The following ACSS3 variants were observed in gnomAD, a reference collection of about 807,000 sequenced individuals.
ACSS3 encodes the protein acyl-CoA synthetase short chain family member 3, also known as acyl-CoA synthetase short-chain family member 3, mitochondrial.
A neutral mutation model predicts 84.2 loss-of-function variants in ACSS3; 64 were observed. That is an observed-to-expected ratio of 0.76 (90% CI 0.62 to 0.94). ACSS3 has a LOEUF of 0.94. Ranked by LOEUF, ACSS3 falls within the 40% of genes least tolerant of loss-of-function variation. The probability of loss-of-function intolerance (pLI) is 0.00; values close to 1 mark genes in which losing one functional copy is unlikely to be tolerated. For synonymous variants in ACSS3, 317 were observed against 310.1 expected (o/e 1.02, Z -0.23); for missense variants, 815 against 867.6 (o/e 0.94, Z 0.76).
At chr12:81,238,275 A>G (rs1337958753) in intron 13 of ACSS3, among the ~76,000 whole-genome samples, 1 of 144,528 alleles carries the variant, frequency 6.9e-6, no homozygotes, top group East Asian at 2.1e-4. Context: ...CTCTGTCAAT[A>G]GTTTTTTTTA....
At chr12:81,167,261 T>C (rs10778796) in intron 7 of ACSS3, among the ~76,000 whole-genome samples, 28,385 of 151,908 alleles carry the variant, frequency 0.19, 2,910 homozygotes, top group East Asian at 0.4. Flanking sequence ...TCATTGGGGG[T>C]TGGCTTCATT....
chr12:81,180,060 G>C (rs1593167323), intron 8 of ACSS3, among the ~76,000 whole-genome samples: 1 of 152,282 alleles, frequency 6.6e-6, no homozygotes, highest in South Asian at 2.1e-4. Flanking sequence ...GCCATAAAAA[G>C]AGTATCATGG....
At chr12:81,216,707 G>A (rs1337385068) in intron 9 of ACSS3, among the ~76,000 whole-genome samples, 194 bp from the exon 10 acceptor site, 1 of 152,002 alleles carries the variant, frequency 6.6e-6, no homozygotes, top group Non-Finnish European at 1.5e-5. Context: ...GAATTCTTAA[G>A]TTTTAATACT....
rs547823812 is a variant in ACSS3 at position 81,183,245 on chromosome 12, C to T, written c.1250+8306C>T. Among the ~76,000 whole-genome samples the T allele has an allele frequency of 2.6e-3, 400 of 152,208 alleles. 1 individual carries two copies. Among genetic ancestry groups the T allele is most frequent in the South Asian group, 0.014 (68 of 4,824 alleles). Reference sequence around the variant, plus strand: ...TTTCTTTCTACAAGCGGCAAACAGCCGGAGCCTTTGCTGGTTACAAGATGT... The same window carrying T: ...TTTCTTTCTACAAGCGGCAAACAGCTGGAGCCTTTGCTGGTTACAAGATGT... On this transcript the variant is annotated intron_variant, in intron 8 of 15. Coordinates refer to ENST00000548058, the MANE Select transcript of ACSS3 (RefSeq NM_024560.4).
chr12:81,156,294 G>T (rs900793676), intron 7 of ACSS3, among the ~76,000 whole-genome samples: 2 of 151,394 alleles, frequency 1.3e-5, no homozygotes, highest in Non-Finnish European at 2.9e-5. Flanking sequence ...AATTTTGGAG[G>T]ACACAACTAA....
rs535070982 is a variant in ACSS3, at chr12:81,259,276, C to T, written c.*4354C>T. The T allele has an allele frequency of 6.6e-5, 22 of 333,050 alleles. No individual in the cohort carries two copies. Among genetic ancestry groups the T allele is most frequent in the African/African-American group, 4.2e-4 (19 of 45,710 alleles). The allele number at this position is 333,050 out of a possible 1,614,324, so 20.6% of individuals were successfully genotyped here. A position where few individuals can be genotyped will look rare whatever the true frequency, so the allele number is the denominator to read the frequency against. On this transcript the variant is annotated 3_prime_UTR_variant, in exon 16 of 16. Coordinates refer to ENST00000548058, the MANE Select transcript of ACSS3 (RefSeq NM_024560.4). ...TGTTTGCACTCGAGACTCCATGAACCATATATTTTATTTTTTAAAAAATCA... is the reference window on the plus strand; with the variant it reads ...TGTTTGCACTCGAGACTCCATGAACTATATATTTTATTTTTTAAAAAATCA...
Position 81,174,806 on chromosome 12 carries a change from C to A in ACSS3, c.1117C>A (p.Pro373Thr), listed in dbSNP as rs1345690076. Residue 373 changes from proline to threonine, a missense_variant, in exon 8 of 16, where the codon CCA becomes ACA. By Grantham distance (38) the Pro-to-Thr change is conservative (BLOSUM62 -1). Coordinates refer to ENST00000548058, the MANE Select transcript of ACSS3 (RefSeq NM_024560.4). ...VLYEGKPVGT[P>T]DAGAYFRVLA... ...ATTGTAGGGGAAGCCTGTGGGAACA[C>A]CAGATGCTGGCGCTTATTTCCGTGT... The A allele has an allele frequency of 6.2e-7, 1 of 1,613,088 alleles. No individual in the cohort carries two copies. Among genetic ancestry groups the A allele is most frequent in the Admixed American group, 1.7e-5 (1 of 59,944 alleles).
chr12:81,221,484 A>G (rs2135951098), intron 11 of ACSS3, among the ~76,000 whole-genome samples: 1 of 152,226 alleles, frequency 6.6e-6, no homozygotes, highest in African/African-American at 2.4e-5. Flanking sequence ...ATGTTTCTTC[A>G]GGTAGAGATA....
intron 1 of ACSS3, 54 bp downstream of exon 1, chr12:81,078,485 G>T (rs1337704324): frequency 1.9e-6 from 3 of 1,589,776 alleles, no homozygotes; most frequent in South Asian, 1.1e-5. Flanking sequence ...CTTTTTGGGC[G>T]CCAGGACCTC....
At chr12:81,191,330 C>A (rs1286631578) in intron 8 of ACSS3, among the ~76,000 whole-genome samples, 1 of 151,970 alleles carries the variant, frequency 6.6e-6, no homozygotes, top group Admixed American at 6.6e-5. Context: ...CTGTTATCCC[C>A]CTCTTCCTTT....
At chr12:81,123,815 G>A (rs571225546) in intron 2 of ACSS3, among the ~76,000 whole-genome samples, 1 of 152,238 alleles carries the variant, frequency 6.6e-6, no homozygotes, top group East Asian at 1.9e-4. Flanking sequence ...TTTTGTGGCT[G>A]CATAGTATTC....
At chr12:81,247,401 T>C (rs1288835379) in intron 13 of ACSS3, among the ~76,000 whole-genome samples, 2 of 152,120 alleles carry the variant, frequency 1.3e-5, no homozygotes, top group African/African-American at 2.4e-5. Flanking sequence ...ATGCTTCTAC[T>C]GAAATCCTTC....
chr12:81,247,023 T>C (rs1450921899), intron 13 of ACSS3, among the ~76,000 whole-genome samples: 1 of 151,386 alleles, frequency 6.6e-6, no homozygotes, highest in Non-Finnish European at 1.5e-5. Context: ...TGGGATGTGT[T>C]TCTTAAATGT....
intron 2 of ACSS3, among the ~76,000 whole-genome samples, chr12:81,113,606 A>G (rs1883787048): frequency 6.6e-6 from 1 of 152,148 alleles, no homozygotes; most frequent in Non-Finnish European, 1.5e-5. Flanking sequence ...TAGTTGTTGA[A>G]TGATGAATGA....
chr12:81,245,117 G>C (rs955917268), intron 13 of ACSS3, among the ~76,000 whole-genome samples: 1 of 152,174 alleles, frequency 6.6e-6, no homozygotes, highest in Non-Finnish European at 1.5e-5. Context: ...TCATGAACAT[G>C]TATCCTTGGA....
Position 81,260,591 on chromosome 12 carries a change from G to A in ACSS3, c.*5669G>A, listed in dbSNP as rs2035109451. On this transcript the variant is annotated 3_prime_UTR_variant, in exon 16 of 16. Coordinates refer to ENST00000548058, the MANE Select transcript of ACSS3 (RefSeq NM_024560.4). ...TACCATAATTAAAATTTTAATGTAAGGGTTGTACATTCTGAAATTAAATCT... is the reference window on the plus strand; with the variant it reads ...TACCATAATTAAAATTTTAATGTAAAGGTTGTACATTCTGAAATTAAATCT... The A allele has an allele frequency of 6.6e-6, 1 of 152,078 alleles. No homozygotes were observed. The highest frequency in any genetic ancestry group is 1.5e-5 in the Non-Finnish European group (1 of 68,016). The allele number at this position is 152,078 out of a possible 1,614,324, so 9.4% of individuals were successfully genotyped here. A position where few individuals can be genotyped will look rare whatever the true frequency, so the allele number is the denominator to read the frequency against.
rs1348063077 is a variant in ACSS3 at position 81,258,055 on chromosome 12, G to A, written c.*3133G>A. Reference sequence around the variant, plus strand: ...AATCAAGATGCCCATGTTTAGATGAGCTTAGAAAGCTACTTCTCATTGTTC... The same window carrying A: ...AATCAAGATGCCCATGTTTAGATGAACTTAGAAAGCTACTTCTCATTGTTC... On this transcript the variant is annotated 3_prime_UTR_variant, in exon 16 of 16. Transcript: ENST00000548058. 1.3e-5 allele frequency: 2 copies of A among 151,984 alleles called. No homozygotes were observed. Among genetic ancestry groups the A allele is most frequent in the South Asian group, 2.1e-4 (1 of 4,832 alleles). The allele number at this position is 151,984 out of a possible 1,614,324, so 9.4% of individuals were successfully genotyped here.
At chr12:81,251,290 A>G (rs1371569537) in intron 13 of ACSS3, among the ~76,000 whole-genome samples, 2 of 152,174 alleles carry the variant, frequency 1.3e-5, no homozygotes, top group African/African-American at 2.4e-5. Context: ...GCGTGATACT[A>G]TAATGGTGGA....
In ACSS3 at chr12:81,172,259, C is replaced by CAAAAAAAAAAAAAA. The variant is rs775755412; in HGVS notation, c.1099-2524_1099-2511dup. On this transcript the variant is annotated intron_variant, in intron 7 of 15. Coordinates refer to ENST00000548058, the MANE Select transcript of ACSS3 (RefSeq NM_024560.4). ...CCAGCCTGAGAGTGAGGCTCTGTCT[C>CAAAAAAAAAAAAAA]AAAAAAAAAAAAAAAAAAGGCCCTG... is the stretch of plus-strand genomic sequence containing the variant. 1.3e-3 allele frequency among the ~76,000 whole-genome samples: 75 copies of CAAAAAAAAAAAAAA among 56,948 alleles called. 1 individual carries two copies. Among genetic ancestry groups the CAAAAAAAAAAAAAA allele is most frequent in the African/African-American group, 4.9e-3 (69 of 14,190 alleles). The allele number at this position is 56,948 out of a possible 152,430, so 37.4% of individuals were successfully genotyped here.
Sources: gnomAD v4.1 joint callset for allele counts (sites outside exome capture counted in the v4.1 genomes callset) on GRCh38, gnomAD v4.1.1 for gene constraint, MANE v1.5 for transcripts, NCBI Gene and HGNC (gene_info 2026-07-23, HGNC 2026-07-21) for gene names.